The following POU6F1 variants were observed in gnomAD, a reference collection of about 807,000 sequenced individuals.
The protein encoded by POU6F1 is POU class 6 homeobox 1, also known as POU domain, class 6, transcription factor 1.
A neutral mutation model predicts 28.9 loss-of-function variants in POU6F1; 9 were observed. That is an observed-to-expected ratio of 0.31 (90% CI 0.19 to 0.54). The LOEUF (loss-of-function observed/expected upper bound fraction) is 0.54, where lower values mean the gene tolerates loss of function less well. POU6F1 is among the 20% of genes least tolerant of loss of function. The pLI, the probability that POU6F1 is intolerant of heterozygous loss-of-function variation, is 0.94. For missense variants in POU6F1, 338 were observed against 426.1 expected (o/e 0.79, Z 1.82); for synonymous variants, 173 against 171.1 (o/e 1.01, Z -0.09).
At chr12:51,214,735 G>A (rs996860519) in intron 1 of POU6F1, among the ~76,000 whole-genome samples, 2 of 151,788 alleles carry the variant, frequency 1.3e-5, no homozygotes, top group Admixed American at 6.6e-5. Context: ...GTCAGGAGTT[G>A]GAGGGCAGCC....
intron 1 of POU6F1, among the ~76,000 whole-genome samples, chr12:51,208,304 AAGAGAG>A (rs747007722): frequency 6.6e-6 from 1 of 150,868 alleles, no homozygotes; most frequent in Non-Finnish European, 1.5e-5. Context: ...TGTCTCAAAA[AAGAGAG>A]AGAGAGAGAG....
rs751703893 is a variant in POU6F1 at position 51,190,125 on chromosome 12, T to C, written c.*122A>G. On this transcript the variant is annotated 3_prime_UTR_variant, in exon 11 of 11. Transcript: ENST00000333640. The surrounding 1 kb of genome is among the most constrained non-coding windows in gnomAD (Gnocchi z 4.5). ...TGATGCACATGCACACGGTGGAGTC[T>C]GATGACCTGGGGTGAGCACAGCTGC... 3.2e-4 allele frequency: 464 copies of C among 1,431,266 alleles called. No individual in the cohort carries two copies. Among genetic ancestry groups the C allele is most frequent in the Non-Finnish European group, 4.1e-4 (447 of 1,081,510 alleles). The allele number at this position is 1,431,266 out of a possible 1,614,324, so 88.7% of individuals were successfully genotyped here. A position where few individuals can be genotyped will look rare whatever the true frequency, so the allele number is the denominator to read the frequency against.
In POU6F1 at chr12:51,196,970, G is replaced by A. The variant is rs567996169; in HGVS notation, c.847-43C>T. 17 of 1,190,956 alleles carry A rather than the reference G, an allele frequency of 1.4e-5. No homozygotes were observed. In the East Asian group the frequency reaches 4.0e-4, roughly 28 times the overall value. 73.8% of individuals were successfully genotyped at this position (1,190,956 alleles called of 1,614,324 possible). Reference sequence around the variant, plus strand: ...GCCTTGCTCAGAAGCCAAGGGGTGAGAAGAACCCCGGGCAGAGGGAAGAGG... The same window carrying A: ...GCCTTGCTCAGAAGCCAAGGGGTGAAAAGAACCCCGGGCAGAGGGAAGAGG... On this transcript the variant is annotated intron_variant, in intron 6 of 10. Transcript: ENST00000333640.
At chr12:51,203,058 T>C (rs1943331198) in intron 3 of POU6F1, among the ~76,000 whole-genome samples, 1 of 152,126 alleles carries the variant, frequency 6.6e-6, no homozygotes, top group Non-Finnish European at 1.5e-5. Context: ...ACCTGCTTGA[T>C]GGTGACTAAA....
At chr12:51,212,641 G>GT (rs1944068939) in intron 1 of POU6F1, among the ~76,000 whole-genome samples, 1 of 151,084 alleles carries the variant, frequency 6.6e-6, no homozygotes, top group Non-Finnish European at 1.5e-5. Flanking sequence ...TTAGCCTGGG[G>GT]TGGTGGCACA....
intron 3 of POU6F1, among the ~76,000 whole-genome samples, chr12:51,203,459 GCTAGGGAAAAATGGTCATGTCT>G (rs1410456634): frequency 1.1e-4 from 16 of 152,090 alleles, no homozygotes; most frequent in Admixed American, 7.2e-4. Flanking sequence ...GCATTTCCAG[GCTAGGGAAAAATGGTCATGTCT>G]CTTGTCATTC....
intron 1 of POU6F1, among the ~76,000 whole-genome samples, chr12:51,214,266 T>G (rs1565640313): frequency 2.6e-5 from 4 of 152,322 alleles, no homozygotes; most frequent in South Asian, 4.1e-4. Context: ...TTAGCATGAC[T>G]CTTACCACAA....
intron 3 of POU6F1, chr12:51,202,410 T>G (rs1488081474): frequency 2.6e-5 from 4 of 152,322 alleles, no homozygotes; most frequent in African/African-American, 9.6e-5. Context: ...CTGCAACCTC[T>G]GCCTCCCGGG....
In POU6F1 at chr12:51,192,570, A is replaced by G. The variant is rs1214000941; in HGVS notation, c.1180-99T>C. On this transcript the variant is annotated intron_variant, in intron 8 of 10. Coordinates refer to ENST00000333640, the MANE Select transcript of POU6F1 (RefSeq NM_001330422.2). The stretch of plus-strand genomic sequence containing the variant: ...GAGGCAGGGCAAAAACAGACATGAA[A>G]TCCTCACGCATGCAGGACATTCCCG... The G allele has an allele frequency of 2.1e-6, 3 of 1,459,910 alleles. No homozygotes were observed. The African/African-American group carries it at 4.2e-5, about 20-fold the overall frequency. The allele number at this position is 1,459,910 out of a possible 1,614,324, so 90.4% of individuals were successfully genotyped here.
chr12:51,214,675 C>T (rs1565640789), intron 1 of POU6F1, among the ~76,000 whole-genome samples: 2 of 152,182 alleles, frequency 1.3e-5, no homozygotes, highest in South Asian at 2.1e-4. Flanking sequence ...TAGTAGCTCA[C>T]ACCTGTAATC....
intron 8 of POU6F1, among the ~76,000 whole-genome samples, chr12:51,195,769 G>A (rs192068721): frequency 3.0e-4 from 46 of 152,312 alleles, no homozygotes; most frequent in East Asian, 2.3e-3. Context: ...TGTGAGTAGG[G>A]GGTCTCGTGG....
intron 1 of POU6F1, among the ~76,000 whole-genome samples, chr12:51,213,084 G>A (rs1281056635): frequency 1.3e-5 from 2 of 151,824 alleles, no homozygotes; most frequent in Non-Finnish European, 2.9e-5. Context: ...CTACAGGTGC[G>A]CATCACCGCA....
chr12:51,198,382 G>A lies in POU6F1; in HGVS notation c.592+168C>T, dbSNP rs556384931. On this transcript the variant is annotated intron_variant, in intron 5 of 10. Transcript: ENST00000333640. ...GCGTGGCGTCACGGCCTACAGTCCCGAGGTGGTGCAGCAGCTCTGCGGCCG... is the reference window on the plus strand; with the variant it reads ...GCGTGGCGTCACGGCCTACAGTCCCAAGGTGGTGCAGCAGCTCTGCGGCCG... Among the ~76,000 whole-genome samples the A allele has an allele frequency of 6.6e-5, 10 of 152,302 alleles. No homozygotes were observed. The South Asian group carries it at 1.9e-3, about 28-fold the overall frequency.
At chr12:51,191,507 A>T (rs1012798951) in intron 10 of POU6F1, 89 bp downstream of exon 10, 2 of 1,469,130 alleles carry the variant, frequency 1.4e-6, no homozygotes, top group African/African-American at 2.8e-5. Flanking sequence ...GGCATATGGA[A>T]AAGGGGCCGG....
chr12:51,216,070 C>A (rs1462630489), intron 1 of POU6F1, among the ~76,000 whole-genome samples: 1 of 152,264 alleles, frequency 6.6e-6, no homozygotes, highest in Non-Finnish European at 1.5e-5. Flanking sequence ...GTAATCCCAG[C>A]ACTTTGGGAG....
rs1259434727 is a variant in POU6F1, at chr12:51,189,315, AAGAG to A, written c.*928_*931del. 2.0e-5 allele frequency: 3 copies of A among 152,142 alleles called. No homozygotes were observed. Among genetic ancestry groups the A allele is most frequent in the Non-Finnish European group, 4.4e-5 (3 of 68,040 alleles). 9.4% of individuals were successfully genotyped at this position (152,142 alleles called of 1,614,324 possible). ...AATGGGTGTGGGGACAAGAGAAAGAAAGAGAAAGTCAGCATTCCTTTCCTTATTT... is the reference window on the plus strand; with the variant it reads ...AATGGGTGTGGGGACAAGAGAAAGAAAAAGTCAGCATTCCTTTCCTTATTT... On this transcript the variant is annotated 3_prime_UTR_variant, in exon 11 of 11. Transcript: ENST00000333640.
intron 1 of POU6F1, among the ~76,000 whole-genome samples, chr12:51,216,646 T>C (rs1045699876): frequency 6.6e-6 from 1 of 152,232 alleles, no homozygotes; most frequent in African/African-American, 2.4e-5. Context: ...AGAAGGCCTC[T>C]GCCAGTCAAT....
intron 5 of POU6F1, 148 bp from the exon 6 acceptor site, chr12:51,198,171 A>C: frequency 2.5e-6 from 1 of 397,692 alleles, no homozygotes; most frequent in Non-Finnish European, 4.4e-6. Flanking sequence ...TGATCCTTGA[A>C]GGGCTGGCGC....
Position 51,190,031 on chromosome 12 carries a change from C to T in POU6F1, c.*216G>A. ...CTTCTTCGGAGTGACCAGCCCAGAGCCTGGAGCTCTCGTGTGGCCCCCTCT... is the reference window on the plus strand; with the variant it reads ...CTTCTTCGGAGTGACCAGCCCAGAGTCTGGAGCTCTCGTGTGGCCCCCTCT... On this transcript the variant is annotated 3_prime_UTR_variant, in exon 11 of 11. Coordinates refer to ENST00000333640, the MANE Select transcript of POU6F1 (RefSeq NM_001330422.2). The surrounding 1 kb of genome is among the most constrained non-coding windows in gnomAD (Gnocchi z 4.5). The T allele has an allele frequency of 1.2e-6, 1 of 805,800 alleles. No individual in the cohort carries two copies. Among genetic ancestry groups the T allele is most frequent in the Non-Finnish European group, 1.9e-6 (1 of 533,164 alleles). 49.9% of individuals were successfully genotyped at this position (805,800 alleles called of 1,614,324 possible).
Sources: allele counts gnomAD v4.1 joint callset (sites outside exome capture counted in the v4.1 genomes callset), GRCh38; gene constraint gnomAD v4.1.1; non-coding constraint Gnocchi (gnomAD v3.1); transcripts MANE v1.5; gene names NCBI Gene and HGNC (gene_info 2026-07-23, HGNC 2026-07-21).